The following PXDNL variants were observed in gnomAD, a reference collection of about 807,000 sequenced individuals.
The protein encoded by PXDNL is probable oxidoreductase PXDNL.
PXDNL carries 145 observed loss-of-function variants against 150.8 expected under a neutral mutation model. The ratio of observed to expected loss-of-function variants is 0.96; its 90% CI spans 0.84 to 1.10. The LOEUF is 1.10. Ranked by LOEUF, PXDNL falls within the 50% of genes least tolerant of loss-of-function variation. The probability of loss-of-function intolerance (pLI) is 0.00; values close to 1 mark genes in which losing one functional copy is unlikely to be tolerated. For synonymous variants in PXDNL, 757 were observed against 725.7 expected (o/e 1.04, Z -0.69); for missense variants, 2,087 against 1,873.9 (o/e 1.11, Z -2.10).
intron 2 of PXDNL, among the ~76,000 whole-genome samples, chr8:51,617,166 G>T (rs182621971): frequency 6.6e-6 from 1 of 152,068 alleles, no homozygotes; most frequent in African/African-American, 2.4e-5. Context: ...TTGTCAGTTT[G>T]GCCAAATGGC....
At chr8:51,609,742 A>T (rs1813955851) in intron 2 of PXDNL, among the ~76,000 whole-genome samples, 1 of 152,142 alleles carries the variant, frequency 6.6e-6, no homozygotes, top group Non-Finnish European at 1.5e-5. Flanking sequence ...AAGCAGAAGA[A>T]ATTATTCTGG....
intron 1 of PXDNL, among the ~76,000 whole-genome samples, chr8:51,707,949 A>G (rs1251596565): frequency 1.3e-5 from 2 of 152,110 alleles, no homozygotes; most frequent in African/African-American, 4.8e-5. Context: ...ATATATATAT[A>G]ATATTTTCTT....
chr8:51,398,695 C>T (rs1808161701), intron 17 of PXDNL, among the ~76,000 whole-genome samples: 1 of 152,128 alleles, frequency 6.6e-6, no homozygotes, highest in African/African-American at 2.4e-5. Flanking sequence ...AAGCATAAAG[C>T]AAAACCTATG....
At chr8:51,638,263 C>T (rs1275252679) in intron 2 of PXDNL, among the ~76,000 whole-genome samples, 7 of 152,092 alleles carry the variant, frequency 4.6e-5, no homozygotes, top group Non-Finnish European at 8.8e-5. Context: ...ATTGTAAAGA[C>T]CATCGAGGCT....
chr8:51,478,491 T>A (rs776410321), intron 6 of PXDNL, among the ~76,000 whole-genome samples: 28 of 152,224 alleles, frequency 1.8e-4, no homozygotes, highest in Non-Finnish European at 2.9e-5. Context: ...CACTTAAAGA[T>A]CCAAAAACAC....
intron 1 of PXDNL, among the ~76,000 whole-genome samples, chr8:51,709,688 T>C (rs1177254852): frequency 2.6e-5 from 4 of 152,230 alleles, no homozygotes; most frequent in African/African-American, 9.6e-5. Flanking sequence ...AAGTTAATTA[T>C]GGTACATGAA....
rs1810659814 is a variant in PXDNL at position 51,483,775 on chromosome 8, C to T, written c.453-61G>A. On this transcript the variant is annotated intron_variant, in intron 5 of 22. Transcript: ENST00000356297. ...ATAATAATGAATTTGACAAACAAAA[C>T]CTTTCTTTCACCTAACTGTGAATCC... The T allele has an allele frequency of 3.0e-6, 3 of 1,001,962 alleles. No homozygotes were observed. The South Asian group carries it at 4.5e-5, about 15-fold the overall frequency. The allele number at this position is 1,001,962 out of a possible 1,614,324, so 62.1% of individuals were successfully genotyped here.
chr8:51,464,403 C>G (rs1563423585), intron 8 of PXDNL, among the ~76,000 whole-genome samples: 1 of 5,656 alleles, frequency 1.8e-4, no homozygotes, highest in Admixed American at 2.0e-3. Context: ...GACACAAGAT[C>G]CATACAAAAG....
intron 1 of PXDNL, among the ~76,000 whole-genome samples, chr8:51,683,281 G>A (rs1019265587): frequency 4.1e-5 from 6 of 145,580 alleles, no homozygotes; most frequent in East Asian, 2.1e-4. Context: ...CAATTGAGGC[G>A]ATACCTCACT....
At position 51,373,825 on chromosome 8, in the gene PXDNL, A is replaced by T. The variant is rs150333285; in HGVS notation, c.3692+772T>A. Among the ~76,000 whole-genome samples, 126 of 152,332 alleles carry T rather than the reference A, an allele frequency of 8.3e-4. 1 individual carries two copies. In the East Asian group the frequency reaches 0.024, roughly 29 times the overall value. Reference sequence around the variant, plus strand: ...CTAAGCTTCACTAATGATTCAGAAGATACCATGCCCTGGAACATACTTGAT... The same window carrying T: ...CTAAGCTTCACTAATGATTCAGAAGTTACCATGCCCTGGAACATACTTGAT... On this transcript the variant is annotated intron_variant, in intron 18 of 22. Coordinates refer to ENST00000356297, the MANE Select transcript of PXDNL (RefSeq NM_144651.5).
chr8:51,578,117 A>C (rs537119239), intron 3 of PXDNL, among the ~76,000 whole-genome samples: 1 of 139,932 alleles, frequency 7.1e-6, no homozygotes, highest in African/African-American at 2.9e-5. Flanking sequence ...AAAGAAAGAA[A>C]GAAGGAAAGA....
chr8:51,501,545 C>T (rs1447169619), intron 4 of PXDNL, among the ~76,000 whole-genome samples: 2 of 151,840 alleles, frequency 1.3e-5, no homozygotes, highest in African/African-American at 4.8e-5. Flanking sequence ...CATACACTAA[C>T]ACACAGCATC....
At chr8:51,376,696 C>G (rs1242103212) in intron 17 of PXDNL, among the ~76,000 whole-genome samples, 1 of 151,298 alleles carries the variant, frequency 6.6e-6, no homozygotes, top group Admixed American at 6.6e-5. Flanking sequence ...TGAGAGTTAA[C>G]ATGTTTTGCT....
intron 1 of PXDNL, among the ~76,000 whole-genome samples, chr8:51,696,832 CACACACAG>C (rs1816152901): frequency 6.7e-6 from 1 of 149,368 alleles, no homozygotes; most frequent in African/African-American, 2.5e-5. Flanking sequence ...CACACACACA[CACACACAG>C]GTCCTGACAC....
chr8:51,647,674 TACC>T (rs1224262894), intron 2 of PXDNL, among the ~76,000 whole-genome samples: 2 of 152,172 alleles, frequency 1.3e-5, no homozygotes, highest in African/African-American at 4.8e-5. Context: ...AGGAAAGATC[TACC>T]ACTGCATTTT....
intron 4 of PXDNL, among the ~76,000 whole-genome samples, chr8:51,538,303 T>C (rs913109228): frequency 2.0e-5 from 3 of 152,220 alleles, no homozygotes; most frequent in Non-Finnish European, 4.4e-5. Flanking sequence ...ACACGTTTCA[T>C]TTGTCTGTAC....
chr8:51,518,412 T>C (rs1366635502), intron 4 of PXDNL, among the ~76,000 whole-genome samples: 1 of 151,924 alleles, frequency 6.6e-6, no homozygotes, highest in East Asian at 1.9e-4. Context: ...AACATATGCA[T>C]ATATATATAT....
At chr8:51,608,013 GAA>G (rs373885792) in intron 2 of PXDNL, among the ~76,000 whole-genome samples, 1,047 of 72,724 alleles carry the variant, frequency 0.014, 47 homozygotes, top group African/African-American at 0.077. Flanking sequence ...AAGAAAGAAA[GAA>G]AGAAAGAAAG....
intron 1 of PXDNL, among the ~76,000 whole-genome samples, chr8:51,678,806 A>G (rs1815683551): frequency 1.3e-5 from 2 of 152,306 alleles, no homozygotes; most frequent in Middle Eastern, 3.4e-3. Context: ...AGCATGGCAC[A>G]TGTATACATA....
Sources: gnomAD v4.1 joint callset for allele counts (sites outside exome capture counted in the v4.1 genomes callset) on GRCh38, gnomAD v4.1.1 for gene constraint, MANE v1.5 for transcripts, NCBI Gene and HGNC (gene_info 2026-07-23, HGNC 2026-07-21) for gene names.